The following CFAP95 variants were observed in gnomAD, a reference collection of about 807,000 sequenced individuals.
CFAP95 encodes cilia- and flagella-associated protein 95.
chr9:69,900,501 T>C, the CFAP95 span, among the ~76,000 whole-genome samples: 220 of 152,360 alleles, frequency 1.4e-3, no homozygotes, highest in African/African-American at 5.1e-3. Context: ...GGCCAAACTT[T>C]ATAGACATTG....
chr9:69,885,251 G>A, the CFAP95 span: 1 of 152,144 alleles, frequency 6.6e-6, no homozygotes, highest in African/African-American at 2.4e-5. Flanking sequence ...TTTTCAGTAT[G>A]CAATACTCAG....
the CFAP95 span, among the ~76,000 whole-genome samples, chr9:69,884,016 G>A: frequency 6.6e-6 from 1 of 151,996 alleles, no homozygotes; most frequent in Non-Finnish European, 1.5e-5. Context: ...CTTTTTTGAT[G>A]TAGGCACTTA....
chr9:69,887,937 G>T, the CFAP95 span, among the ~76,000 whole-genome samples: 5,891 of 152,242 alleles, frequency 0.039, 344 homozygotes, highest in African/African-American at 0.13. Context: ...CTGGACTCCA[G>T]CTCTGGCTTC....
At chr9:69,899,000 T>G in the CFAP95 span, among the ~76,000 whole-genome samples, 1 of 152,332 alleles carries the variant, frequency 6.6e-6, no homozygotes, top group African/African-American at 2.4e-5. Flanking sequence ...TGTAAGTCCT[T>G]TATGTTCTTC....
At chr9:69,875,654 A>G in the CFAP95 span, among the ~76,000 whole-genome samples, 14 of 152,158 alleles carry the variant, frequency 9.2e-5, no homozygotes, top group Non-Finnish European at 1.9e-4. Context: ...TTGAGTCATA[A>G]CTTTGAGTAG....
chr9:69,893,893 C>T, the CFAP95 span, among the ~76,000 whole-genome samples: 1 of 152,180 alleles, frequency 6.6e-6, no homozygotes, highest in Non-Finnish European at 1.5e-5. Flanking sequence ...TGAATAATTG[C>T]CATTTGCTTA....
At chr9:69,821,124 G>C in the CFAP95 span, 1 of 1,452,662 alleles carries the variant, frequency 6.9e-7, no homozygotes, top group Non-Finnish European at 9.3e-7. Flanking sequence ...GTCAGAGAGA[G>C]GGGACAGGAG....
At chr9:69,852,679 C>A in the CFAP95 span, among the ~76,000 whole-genome samples, 1 of 152,150 alleles carries the variant, frequency 6.6e-6, no homozygotes, top group Non-Finnish European at 1.5e-5. Flanking sequence ...AAAAGCTTGA[C>A]GTGAGAAGTA....
chr9:69,867,056 T>A, the CFAP95 span, among the ~76,000 whole-genome samples: 5 of 152,208 alleles, frequency 3.3e-5, no homozygotes, highest in Non-Finnish European at 7.3e-5. Context: ...ATATCTCTCC[T>A]TAGCTGATGT....
chr9:69,902,471 G>T, the CFAP95 span: 1 of 312,988 alleles, frequency 3.2e-6, no homozygotes, highest in South Asian at 2.7e-5. Flanking sequence ...CTCTTTGGTT[G>T]GTGTTTTTCT....
At chr9:69,879,386 A>G in the CFAP95 span, among the ~76,000 whole-genome samples, 353 of 152,296 alleles carry the variant, frequency 2.3e-3, no homozygotes, top group African/African-American at 7.9e-3. Context: ...TTGGTTTGGA[A>G]GCTGGGAAGA....
the CFAP95 span, among the ~76,000 whole-genome samples, chr9:69,902,814 C>T: frequency 1.3e-5 from 2 of 151,936 alleles, no homozygotes; most frequent in Non-Finnish European, 2.9e-5. Context: ...GCCTTGTTCT[C>T]CTATTTCATG....
the CFAP95 span, among the ~76,000 whole-genome samples, chr9:69,856,265 G>A: frequency 6.6e-6 from 1 of 152,058 alleles, no homozygotes. Flanking sequence ...ACCCTGAAAA[G>A]GATAAAGAAG....
chr9:69,899,018 A>C, the CFAP95 span, among the ~76,000 whole-genome samples: 1 of 152,156 alleles, frequency 6.6e-6, no homozygotes, highest in Non-Finnish European at 1.5e-5. Flanking sequence ...TTCCTGTGAA[A>C]TGACTCTTTC....
At chr9:69,843,643 CTTCT>C in the CFAP95 span, among the ~76,000 whole-genome samples, 2 of 127,540 alleles carry the variant, frequency 1.6e-5, no homozygotes, top group Admixed American at 8.5e-5. Flanking sequence ...CCTCCTCCTC[CTTCT>C]TTCTTCTTCT....
chr9:69,858,067 C>T, the CFAP95 span: 1 of 1,216,652 alleles, frequency 8.2e-7, no homozygotes, highest in African/African-American at 1.5e-5. Flanking sequence ...CAGGGTGAGC[C>T]AAGGTCAACA....
At chr9:69,891,425 AAAGC>A in the CFAP95 span, among the ~76,000 whole-genome samples, 47 of 152,242 alleles carry the variant, frequency 3.1e-4, no homozygotes, top group African/African-American at 1.1e-3. Context: ...TTCCTCCACT[AAAGC>A]AAACAAAGAA....
At chr9:69,852,307 T>A in the CFAP95 span, among the ~76,000 whole-genome samples, 1 of 152,076 alleles carries the variant, frequency 6.6e-6, no homozygotes, top group Non-Finnish European at 1.5e-5. Flanking sequence ...TCCAAGTAAG[T>A]GAGATGCCAA....
the CFAP95 span, among the ~76,000 whole-genome samples, chr9:69,861,372 A>T: frequency 6.3e-4 from 96 of 152,232 alleles, 1 homozygote; most frequent in South Asian, 0.015. Context: ...CTGCAGGGTG[A>T]AGAGTGGGCT....
Sources: gnomAD v4.1 joint callset for allele counts (sites outside exome capture counted in the v4.1 genomes callset) on GRCh38, gnomAD v4.1.1 for gene constraint, MANE v1.5 for transcripts, NCBI Gene and HGNC (gene_info 2026-07-23, HGNC 2026-07-21) for gene names.